Variants in SMG6 observed in about 807,000 individuals in gnomAD.
SMG6 encodes the protein telomerase-binding protein EST1A.
In SMG6, 66 loss-of-function variants were observed where a neutral mutation model predicts 142.2. The ratio of observed to expected loss-of-function variants is 0.46; its 90% confidence interval spans 0.38 to 0.57. The LOEUF is 0.57. SMG6 is among the 20% of genes least tolerant of loss of function. The pLI is 0.00. For synonymous variants in SMG6, 779 were observed against 702.4 expected (o/e 1.11, Z -1.72); for missense variants, 1,793 against 1,832.0 (o/e 0.98, Z 0.39).
At chr17:2,097,474 G>C (rs1479515773) in intron 13 of SMG6, among the ~76,000 whole-genome samples, 2 of 152,016 alleles carry the variant, frequency 1.3e-5, no homozygotes, top group Non-Finnish European at 2.9e-5. Context: ...CTTTTTTCCT[G>C]ACCATTCTGT....
At chr17:2,129,850 G>GT (rs1291692623) in intron 13 of SMG6, among the ~76,000 whole-genome samples, 33 of 134,052 alleles carry the variant, frequency 2.5e-4, no homozygotes, top group Non-Finnish European at 5.3e-4. Context: ...ATTTAATAAT[G>GT]TAACTTTAGA....
At position 2,188,846 on chromosome 17, in the gene SMG6, G is replaced by T. The variant is rs1010657053; in HGVS notation, c.2870-331C>A. On this transcript the variant is annotated intron_variant, in intron 10 of 18. Transcript: ENST00000263073. The stretch of plus-strand genomic sequence containing the variant: ...TGATAATGTAAAGCCATCGTAACAA[G>T]AACTCAGATTTAATTAACTCAGTCT... Among the ~76,000 whole-genome samples, 3 of 152,152 alleles carry T rather than the reference G, an allele frequency of 2.0e-5. 1 individual carries two copies. In the South Asian group the frequency reaches 6.2e-4, roughly 31 times the overall value.
At chr17:2,106,849 A>C (rs376808916) in intron 13 of SMG6, among the ~76,000 whole-genome samples, 6 of 148,818 alleles carry the variant, frequency 4.0e-5, no homozygotes, top group African/African-American at 1.5e-4. Flanking sequence ...TTTGAGACAG[A>C]GTCTCGGTTT....
chr17:2,175,796 C>T (rs1160106983), intron 12 of SMG6, among the ~76,000 whole-genome samples: 1 of 152,212 alleles, frequency 6.6e-6, no homozygotes, highest in Non-Finnish European at 1.5e-5. Flanking sequence ...AGGAAATACA[C>T]AAAATGCTTC....
rs1199000094 is a variant in SMG6 at position 2,283,625 on chromosome 17, C to T, written c.2448G>A (p.Lys816=). 1 of 1,613,244 alleles carries T rather than the reference C, an allele frequency of 6.2e-7. No individual in the cohort carries two copies. The highest frequency in any genetic ancestry group is 8.5e-7 in the Non-Finnish European group (1 of 1,179,234). ...LMSLFEETKR[K]AEQMEKKQHE... ...AGGGTTCTGCCACATCCCCACTCAC[C>T]TTCCGCTTGGTCTCTTCAAACAAGC... The change falls in exon 7 of 19, where the codon AAG becomes AAA. Residue 816 remains lysine (K), a splice_region_variant and synonymous_variant. Transcript: ENST00000263073.
intron 10 of SMG6, among the ~76,000 whole-genome samples, chr17:2,189,300 T>C (rs2072089564): frequency 6.6e-6 from 1 of 152,192 alleles, no homozygotes. Context: ...TGGGCAGAAT[T>C]ATTCTTTGGT....
At chr17:2,275,148 A>G (rs1340486416) in intron 8 of SMG6, among the ~76,000 whole-genome samples, 5 of 152,164 alleles carry the variant, frequency 3.3e-5, no homozygotes, top group Admixed American at 2.0e-4. Context: ...CGAGCCGGGC[A>G]TGGTGGCTGA....
chr17:2,078,257 AGAG>A (rs1450714527), intron 15 of SMG6, among the ~76,000 whole-genome samples: 1 of 152,224 alleles, frequency 6.6e-6, no homozygotes, highest in Non-Finnish European at 1.5e-5. Context: ...ATGGAAACAG[AGAG>A]GAGAAGAGGG....
intron 13 of SMG6, among the ~76,000 whole-genome samples, chr17:2,147,152 G>C (rs932582106): frequency 6.6e-6 from 1 of 152,164 alleles, no homozygotes; most frequent in East Asian, 1.9e-4. Flanking sequence ...CAGAACTTTG[G>C]GAGGCCGAGG....
At chr17:2,166,333 G>A (rs1320583836) in intron 13 of SMG6, among the ~76,000 whole-genome samples, 1 of 152,090 alleles carries the variant, frequency 6.6e-6, no homozygotes, top group Non-Finnish European at 1.5e-5. Flanking sequence ...TAGAGCTGAG[G>A]TCTAAGAAAA....
intron 13 of SMG6, among the ~76,000 whole-genome samples, chr17:2,107,654 G>A (rs2069190417): frequency 6.6e-6 from 1 of 152,154 alleles, no homozygotes; most frequent in Non-Finnish European, 1.5e-5. Flanking sequence ...TTCTTAAACA[G>A]CTCTGATGGA....
At chr17:2,163,969 G>C (rs559594242) in intron 13 of SMG6, among the ~76,000 whole-genome samples, 1 of 151,980 alleles carries the variant, frequency 6.6e-6, no homozygotes, top group African/African-American at 2.4e-5. Flanking sequence ...GGCTGAGGCA[G>C]GAGAATCGCT....
At chr17:2,132,891 C>T (rs2070169845) in intron 13 of SMG6, among the ~76,000 whole-genome samples, 1 of 152,192 alleles carries the variant, frequency 6.6e-6, no homozygotes, top group African/African-American at 2.4e-5. Context: ...CAAGCAATGT[C>T]CCTGCCTCAC....
chr17:2,100,212 AT>A (rs1385944808), intron 13 of SMG6, among the ~76,000 whole-genome samples: 1 of 151,912 alleles, frequency 6.6e-6, no homozygotes, highest in Non-Finnish European at 1.5e-5. Flanking sequence ...TAGTTTTTGT[AT>A]TTTTTGTAGA....
chr17:2,195,596 T>G (rs1389021940), intron 10 of SMG6, among the ~76,000 whole-genome samples: 1 of 152,202 alleles, frequency 6.6e-6, no homozygotes, highest in Non-Finnish European at 1.5e-5. Context: ...GTAGGCACAC[T>G]TGCCTCTCTC....
chr17:2,061,470 G>GT lies in SMG6; in HGVS notation c.*21_*22insA, dbSNP rs760570965. The stretch of plus-strand genomic sequence containing the variant: ...GCCTTTCAGGAACGGTTCCACGGGG[G>GT]GGGGGCCCCAGTGTGGCTCCCTCAG... On this transcript the variant is annotated 3_prime_UTR_variant, in exon 19 of 19. Coordinates refer to ENST00000263073, the MANE Select transcript of SMG6 (RefSeq NM_017575.5). The GT allele has an allele frequency of 2.6e-6, 4 of 1,565,374 alleles. No individual in the cohort carries two copies. The highest frequency in any genetic ancestry group is 2.7e-5 in the African/African-American group (2 of 73,680).
intron 10 of SMG6, among the ~76,000 whole-genome samples, chr17:2,212,282 G>GA (rs939843368): frequency 7.9e-5 from 12 of 152,092 alleles, no homozygotes; most frequent in Admixed American, 5.9e-4. Flanking sequence ...GATGGAAAAA[G>GA]ATAGACCCAA....
chr17:2,111,307 T>G (rs1244157385), intron 13 of SMG6, among the ~76,000 whole-genome samples: 4 of 151,282 alleles, frequency 2.6e-5, no homozygotes, highest in Admixed American at 1.3e-4. Context: ...TGGGGAAGAG[T>G]ATTGCTATTT....
intron 13 of SMG6, among the ~76,000 whole-genome samples, chr17:2,120,714 C>A (rs77875220): frequency 0.017 from 2,608 of 152,130 alleles, 70 homozygotes; most frequent in African/African-American, 0.059. Flanking sequence ...TAGAGCAAGA[C>A]CCTGTCTGAA....
Sources: allele counts gnomAD v4.1 joint callset (sites outside exome capture counted in the v4.1 genomes callset), GRCh38; gene constraint gnomAD v4.1.1; transcripts MANE v1.5; gene names NCBI Gene and HGNC (gene_info 2026-07-23, HGNC 2026-07-21).